Variants in NUP210L observed in about 807,000 individuals in gnomAD.
The protein encoded by NUP210L is nuclear pore membrane glycoprotein 210-like.
In NUP210L, 74 loss-of-function variants were observed where a neutral mutation model predicts 208.5. That is an observed-to-expected ratio of 0.35 (90% CI 0.29 to 0.43). The LOEUF (loss-of-function observed/expected upper bound fraction) is 0.43. NUP210L is among the 20% of genes least tolerant of loss of function. The pLI is 1.00. For missense variants in NUP210L, 1,843 were observed against 2,289.4 expected (o/e 0.81, Z 3.98); for synonymous variants, 780 against 816.9 (o/e 0.95, Z 0.77).
intron 2 of NUP210L, among the ~76,000 whole-genome samples, chr1:154,150,791 T>C (rs530591086): frequency 3.2e-4 from 49 of 151,526 alleles, no homozygotes; most frequent in African/African-American, 1.2e-3. Flanking sequence ...TTTACCTTTA[T>C]ATATGCCTTA....
chr1:154,153,009 G>T (rs986492295), intron 1 of NUP210L, 137 bp from the exon 2 acceptor site: 2 of 677,112 alleles, frequency 3.0e-6, no homozygotes, highest in Non-Finnish European at 4.9e-6. Flanking sequence ...AAGGAACATT[G>T]CTTAGGGATG....
chr1:154,125,662 GAA>G (rs1657873701), intron 10 of NUP210L, among the ~76,000 whole-genome samples: 1 of 1,764 alleles, frequency 5.7e-4, no homozygotes, highest in African/African-American at 1.4e-3. Context: ...AGGAAGGAAG[GAA>G]GGAAGGAAGG....
chr1:154,011,107 A>T (rs1650887770), intron 34 of NUP210L, among the ~76,000 whole-genome samples: 1 of 152,088 alleles, frequency 6.6e-6, no homozygotes, highest in African/African-American at 2.4e-5. Flanking sequence ...ATTCTTGAAA[A>T]ATCTTCAGCA....
intron 25 of NUP210L, among the ~76,000 whole-genome samples, chr1:154,047,424 C>T (rs540011170): frequency 6.6e-6 from 1 of 152,168 alleles, no homozygotes; most frequent in African/African-American, 2.4e-5. Context: ...TAAACAAAAT[C>T]TCTGCAGCAC....
Position 153,996,848 on chromosome 1 carries a change from CTTTTTTTTTTT to C in NUP210L, c.5387-1679_5387-1669del, listed in dbSNP as rs747835495. ...ATCCTCAATAAAACTGTAGACTTGC[CTTTTTTTTTTT>C]TTTTTTTTTTGAGACAAGGTCTCAG... On this transcript the variant is annotated intron_variant, in intron 37 of 39. Coordinates refer to ENST00000368559, the Ensembl canonical transcript of NUP210L. Among the ~76,000 whole-genome samples the C allele has an allele frequency of 5.8e-5, 6 of 103,730 alleles. No individual in the cohort carries two copies. In the Admixed American group the frequency reaches 6.7e-4, roughly 12 times the overall value. The allele number at this position is 103,730 out of a possible 152,430, so 68.1% of individuals were successfully genotyped here.
chr1:154,022,533 T>C (rs1242100763), intron 31 of NUP210L, among the ~76,000 whole-genome samples, 190 bp from the exon 32 acceptor site: 1 of 147,472 alleles, frequency 6.8e-6, no homozygotes, highest in African/African-American at 2.5e-5. Context: ...CAGGAAGGCT[T>C]TTTTTTTTTT....
intron 4 of NUP210L, among the ~76,000 whole-genome samples, chr1:154,140,769 T>C (rs1658815602): frequency 6.7e-6 from 1 of 150,338 alleles, no homozygotes; most frequent in Admixed American, 6.7e-5. Flanking sequence ...GATCAGGAGG[T>C]CAGGAGATTG....
intron 17 of NUP210L, among the ~76,000 whole-genome samples, chr1:154,063,607 A>G (rs778782741): frequency 1.1e-4 from 16 of 152,198 alleles, no homozygotes; most frequent in Non-Finnish European, 2.1e-4. Flanking sequence ...TTACCTTTGT[A>G]ATCTTAGGTC....
chr1:154,150,182 C>G (rs1056950298), intron 2 of NUP210L, among the ~76,000 whole-genome samples: 2 of 151,964 alleles, frequency 1.3e-5, no homozygotes, highest in African/African-American at 4.8e-5. Context: ...CGAGATGAGC[C>G]TGACCAACAT....
At chr1:154,120,895 C>CAA (rs34261242) in intron 10 of NUP210L, among the ~76,000 whole-genome samples, 5 of 82,176 alleles carry the variant, frequency 6.1e-5, no homozygotes, top group Non-Finnish European at 7.3e-5. Context: ...GACTCTGTCT[C>CAA]AAAAAAAAAA....
intron 16 of NUP210L, chr1:154,080,016 A>C (rs1557962040): frequency 1.3e-5 from 2 of 152,214 alleles, no homozygotes; most frequent in Non-Finnish European, 2.9e-5. Context: ...AAATATAGTA[A>C]AAGAAAAAAT....
In NUP210L at chr1:153,995,591, A is replaced by G. The variant is rs1649802005; in HGVS notation, c.5387-411T>C. 4 of 804,196 alleles carry G rather than the reference A, an allele frequency of 5.0e-6. No homozygotes were observed. In the African/African-American group the frequency reaches 6.7e-5, roughly 14 times the overall value. The allele number at this position is 804,196 out of a possible 1,614,324, so 49.8% of individuals were successfully genotyped here. A position where few individuals can be genotyped will look rare whatever the true frequency, so the allele number is the denominator to read the frequency against. ...CTGCTACTTTAAAATGCTGGTTACC[A>G]CTTCTTCCTCTTCCAGGGACGTTGT... On this transcript the variant is annotated intron_variant, in intron 37 of 39. Coordinates refer to ENST00000368559, the Ensembl canonical transcript of NUP210L.
At chr1:154,039,513 G>T (rs1652746747) in intron 27 of NUP210L, among the ~76,000 whole-genome samples, 1 of 152,140 alleles carries the variant, frequency 6.6e-6, no homozygotes, top group Admixed American at 6.6e-5. Flanking sequence ...TGGGATTACA[G>T]GCGTGAGCCA....
At chr1:154,145,723 T>A (rs1659082044) in intron 2 of NUP210L, among the ~76,000 whole-genome samples, 1 of 152,234 alleles carries the variant, frequency 6.6e-6, no homozygotes, top group Non-Finnish European at 1.5e-5. Context: ...GGTGCAAGAT[T>A]AGAATTGAAG....
intron 23 of NUP210L, 74 bp downstream of exon 23, chr1:154,056,741 T>C (rs1355198022): frequency 6.9e-7 from 1 of 1,447,892 alleles, no homozygotes; most frequent in Non-Finnish European, 9.3e-7. Context: ...TTTTAACTTG[T>C]ATAAACTAAC....
chr1:154,116,254 CAAAA>C (rs34151144), intron 12 of NUP210L, among the ~76,000 whole-genome samples: 2 of 91,450 alleles, frequency 2.2e-5, no homozygotes, highest in Admixed American at 1.2e-4. Context: ...GACTCCATCT[CAAAA>C]AAAAAAAAAA....
intron 33 of NUP210L, among the ~76,000 whole-genome samples, chr1:154,018,277 T>C (rs1001294600): frequency 1.3e-5 from 2 of 152,160 alleles, no homozygotes; most frequent in Non-Finnish European, 2.9e-5. Flanking sequence ...TGGCCTTTTT[T>C]CTATTTTACA....
chr1:154,141,531 A>C lies in NUP210L; in HGVS notation c.473-7T>G, dbSNP rs561116668. 4 of 1,561,074 alleles carry C rather than the reference A, an allele frequency of 2.6e-6. No individual in the cohort carries two copies. The highest frequency in any genetic ancestry group is 3.3e-5 in the Admixed American group (2 of 59,922). ...AAACTACTAAAAGTATTTCCTGTAG[A>C]GCAAGCCAAAAGCAGACAAGATAGG... On this transcript the variant is annotated splice_region_variant and splice_polypyrimidine_tract_variant and intron_variant, in intron 3 of 39. Transcript: ENST00000368559.
intron 32 of NUP210L, among the ~76,000 whole-genome samples, chr1:154,020,572 G>A (rs1395089276): frequency 1.3e-5 from 2 of 152,134 alleles, no homozygotes; most frequent in Non-Finnish European, 2.9e-5. Context: ...CATCACCCAG[G>A]CTGGAGTGCA....
Sources: gnomAD v4.1 joint callset for allele counts (sites outside exome capture counted in the v4.1 genomes callset) on GRCh38, gnomAD v4.1.1 for gene constraint, MANE v1.5 for transcripts, NCBI Gene and HGNC (gene_info 2026-07-23, HGNC 2026-07-21) for gene names.